MYO5B: variants seen among roughly 807,000 people sequenced by gnomAD.
MYO5B encodes myosin VB.
MYO5B carries 143 observed loss-of-function variants against 229.3 expected under a neutral mutation model. That is an observed-to-expected ratio of 0.62 (90% CI 0.54 to 0.72). The LOEUF is 0.72. MYO5B is among the 30% of genes least tolerant of loss of function. The pLI, the probability that MYO5B is intolerant of heterozygous loss-of-function variation, is 0.00. For synonymous variants in MYO5B, 918 were observed against 885.2 expected (o/e 1.04, Z -0.66); for missense variants, 2,321 against 2,331.0 (o/e 1.00, Z 0.09).
chr18:49,944,065 G>A (rs142852285), intron 14 of MYO5B, among the ~76,000 whole-genome samples: 92 of 152,302 alleles, frequency 6.0e-4, no homozygotes, highest in East Asian at 1.2e-3. Flanking sequence ...GTAGGCCTCA[G>A]TTAAGAATTT....
intron 1 of MYO5B, among the ~76,000 whole-genome samples, chr18:50,160,339 T>C (rs1025381961): frequency 6.6e-6 from 1 of 152,226 alleles, no homozygotes; most frequent in Non-Finnish European, 1.5e-5. Flanking sequence ...GATCTCAGTA[T>C]TGAAAGGAGC....
At chr18:50,053,295 G>A (rs1274506238) in intron 2 of MYO5B, among the ~76,000 whole-genome samples, 1 of 152,148 alleles carries the variant, frequency 6.6e-6, no homozygotes, top group East Asian at 1.9e-4. Flanking sequence ...CTTGTAGCAG[G>A]GGAAGGAGGA....
intron 1 of MYO5B, among the ~76,000 whole-genome samples, chr18:50,109,276 G>A (rs1000029906): frequency 4.6e-5 from 7 of 152,098 alleles, no homozygotes; most frequent in African/African-American, 1.7e-4. Flanking sequence ...GGGACCAGCA[G>A]GAAAAACCAT....
intron 1 of MYO5B, chr18:50,097,651 C>T (rs1215778193): frequency 1.7e-5 from 3 of 178,282 alleles, no homozygotes; most frequent in Admixed American, 6.0e-5. Flanking sequence ...ATGGGTATGT[C>T]GACCTCACAG....
chr18:49,993,344 A>G (rs1227721621), intron 5 of MYO5B, among the ~76,000 whole-genome samples: 1 of 151,868 alleles, frequency 6.6e-6, no homozygotes, highest in African/African-American at 2.4e-5. Context: ...TACAAGCAGA[A>G]GAACTATTAG....
intron 22 of MYO5B, among the ~76,000 whole-genome samples, chr18:49,882,638 A>AAAAAAG (rs1406368488): frequency 6.6e-6 from 1 of 150,802 alleles, no homozygotes; most frequent in African/African-American, 2.4e-5. Flanking sequence ...AAAAAAAAAA[A>AAAAAAG]AAAGAAAGAG....
intron 14 of MYO5B, among the ~76,000 whole-genome samples, chr18:49,946,688 G>A (rs2025377061): frequency 2.0e-5 from 3 of 151,388 alleles, no homozygotes; most frequent in Non-Finnish European, 2.9e-5. Context: ...ACATAATCAA[G>A]GTTTAGTCTG....
intron 1 of MYO5B, among the ~76,000 whole-genome samples, chr18:50,148,878 A>T (rs2144299298): frequency 6.6e-6 from 1 of 152,348 alleles, no homozygotes; most frequent in Admixed American, 6.5e-5. Flanking sequence ...CAATTAGGAA[A>T]AGAGGAAGTC....
Position 50,119,883 on chromosome 18 carries a change from T to C in MYO5B, c.28-64505A>G, listed in dbSNP as rs571236357. On this transcript the variant is annotated intron_variant, in intron 1 of 39. Transcript: ENST00000285039. Reference sequence around the variant, plus strand: ...TGATACCTTCTGAGAAGCACAAATATTTTAAATGAACTGGTGAACTAGACC... The same window carrying C: ...TGATACCTTCTGAGAAGCACAAATACTTTAAATGAACTGGTGAACTAGACC... Among the ~76,000 whole-genome samples, 3 of 152,302 alleles carry C rather than the reference T, an allele frequency of 2.0e-5. No homozygotes were observed. In the South Asian group the frequency reaches 6.2e-4, roughly 32 times the overall value.
chr18:49,983,476 C>T (rs1428955199), intron 8 of MYO5B, among the ~76,000 whole-genome samples: 1 of 152,190 alleles, frequency 6.6e-6, no homozygotes, highest in Non-Finnish European at 1.5e-5. Flanking sequence ...CAAGTTTCTT[C>T]ATCACATCCT....
intron 29 of MYO5B, among the ~76,000 whole-genome samples, chr18:49,860,075 G>C (rs987076077): frequency 7.2e-5 from 11 of 152,188 alleles, no homozygotes; most frequent in African/African-American, 2.7e-4. Context: ...CCGGGGACCT[G>C]CTGGATGGAG....
chr18:49,963,416 AT>A (rs201599038), intron 10 of MYO5B, among the ~76,000 whole-genome samples: 2,464 of 139,748 alleles, frequency 0.018, 49 homozygotes, highest in African/African-American at 0.061. Flanking sequence ...TAATTAATTA[AT>A]TTATTTATTT....
intron 1 of MYO5B, among the ~76,000 whole-genome samples, chr18:50,077,496 CACACAA>C (rs1482029607): frequency 0.011 from 1,330 of 122,394 alleles, 15 homozygotes; most frequent in African/African-American, 0.041. Flanking sequence ...CACACACACA[CACACAA>C]ACACACACAC....
chr18:49,965,081 C>A (rs140666709), intron 10 of MYO5B, among the ~76,000 whole-genome samples: 2 of 152,082 alleles, frequency 1.3e-5, no homozygotes, highest in African/African-American at 4.8e-5. Flanking sequence ...CCTGGAGGCA[C>A]GAAGGTGAGC....
At chr18:49,902,447 C>A in intron 21 of MYO5B, 147 bp downstream of exon 21, 1 of 1,106,380 alleles carries the variant, frequency 9.0e-7, no homozygotes, top group Non-Finnish European at 1.3e-6. Context: ...GATCTGCCTG[C>A]CACAGTTAGT....
rs185642926 is a variant in MYO5B, at chr18:50,003,091, G to T, written c.456-1680C>A. ...TAGACAGAAAAGAAGCAGGCTGGAG[G>T]TGGGAGCCGAAGGCAGAGTCATGAG... is the stretch of plus-strand genomic sequence containing the variant. On this transcript the variant is annotated intron_variant, in intron 4 of 39. Transcript: ENST00000285039. Among the ~76,000 whole-genome samples, 176 of 152,274 alleles carry T rather than the reference G, an allele frequency of 1.2e-3. 1 individual carries two copies. Among genetic ancestry groups the T allele is most frequent in the Admixed American group, 2.9e-3 (44 of 15,292 alleles).
rs749187030 is a variant in MYO5B at position 49,864,399 on chromosome 18, GC to G, written c.3604-20del. The stretch of plus-strand genomic sequence containing the variant: ...CTTGCCTCTGGAAGACAGCCCAAGG[GC>G]CGCTGCCATTACTCCCTGCCCTAGG... On this transcript the variant is annotated intron_variant, in intron 27 of 39. Coordinates refer to ENST00000285039, the MANE Select transcript of MYO5B (RefSeq NM_001080467.3). The G allele has an allele frequency of 6.2e-7, 1 of 1,611,830 alleles. No individual in the cohort carries two copies. The highest frequency in any genetic ancestry group is 8.5e-7 in the Non-Finnish European group (1 of 1,179,944).
chr18:50,040,261 AT>A lies in MYO5B; in HGVS notation c.191del (p.Asn64IlefsTer11). On this transcript the variant is annotated frameshift_variant, in exon 3 of 40. Transcript: ENST00000285039. LOFTEE classifies it high-confidence loss of function. ...VQRNQLPFLR[N>X]PDILVGENDL... ...CATTTTCTCCCACCAAGATATCTGG[AT>A]TCCGTAAGAAGGGCAGCTGGTTGCG... The A allele has an allele frequency of 6.2e-7, 1 of 1,614,142 alleles. No individual in the cohort carries two copies. The highest frequency in any genetic ancestry group is 1.1e-5 in the South Asian group (1 of 91,074).
chr18:50,043,122 T>C (rs1001218146), intron 2 of MYO5B, among the ~76,000 whole-genome samples: 8 of 150,980 alleles, frequency 5.3e-5, no homozygotes, highest in Non-Finnish European at 7.4e-5. Context: ...ATGAAAAAGA[T>C]ACTTGCTCAT....
Sources: gnomAD v4.1 joint callset for allele counts (sites outside exome capture counted in the v4.1 genomes callset) on GRCh38, gnomAD v4.1.1 for gene constraint, MANE v1.5 for transcripts, NCBI Gene and HGNC (gene_info 2026-07-23, HGNC 2026-07-21) for gene names.